The following PCDHAC1 variants were observed in gnomAD, a reference collection of about 807,000 sequenced individuals.
PCDHAC1 encodes protocadherin alpha subfamily C, 1.
PCDHAC1 carries 42 observed loss-of-function variants against 60.0 expected under a neutral mutation model. The ratio of observed to expected loss-of-function variants is 0.70; its 90% CI spans 0.55 to 0.90. PCDHAC1 has a LOEUF of 0.90. Among genes scored for constraint, PCDHAC1 ranks in the 40% least tolerant of loss-of-function variants. PCDHAC1 has a pLI of 0.00. For missense variants in PCDHAC1, 1,160 were observed against 1,222.3 expected (o/e 0.95, Z 0.76); for synonymous variants, 468 against 499.3 (o/e 0.94, Z 0.84).
chr5:140,945,654 AT>A (rs1230046600), intron 1 of PCDHAC1, among the ~76,000 whole-genome samples: 5 of 152,294 alleles, frequency 3.3e-5, no homozygotes, highest in Admixed American at 3.3e-4. Flanking sequence ...ATGGAGCAGA[AT>A]ACAGCTCCCA....
At chr5:140,944,608 G>T (rs2093673405) in intron 1 of PCDHAC1, among the ~76,000 whole-genome samples, 1 of 152,176 alleles carries the variant, frequency 6.6e-6, no homozygotes, top group Non-Finnish European at 1.5e-5. Context: ...AGAGTAGTGT[G>T]CTGTAGAAGT....
At chr5:140,995,235 A>G (rs1313042272) in intron 3 of PCDHAC1, among the ~76,000 whole-genome samples, 1 of 152,188 alleles carries the variant, frequency 6.6e-6, no homozygotes, top group Non-Finnish European at 1.5e-5. Flanking sequence ...TGGGGCCAGT[A>G]TTAAGTAAAA....
intron 1 of PCDHAC1, among the ~76,000 whole-genome samples, chr5:140,950,195 C>T (rs186601471): frequency 6.6e-6 from 1 of 152,028 alleles, no homozygotes; most frequent in South Asian, 2.1e-4. Flanking sequence ...AAAAAATAGT[C>T]ATTTCTGTTT....
At position 141,009,692 on chromosome 5, in the gene PCDHAC1, A is replaced by G. The variant is rs2098413739; in HGVS notation, c.2647A>G (p.Lys883Glu). The G allele has an allele frequency of 6.2e-7, 1 of 1,613,856 alleles. No homozygotes were observed. Among genetic ancestry groups the G allele is most frequent in the African/African-American group, 1.3e-5 (1 of 74,858 alleles). The stretch of plus-strand genomic sequence containing the variant: ...TGTCAACAGCAACAGCTGGACCTTT[A>G]AATACGGACCAGGCAACCCCAAACA... The part of the protein sequence containing the change: ...AGVNSNSWTF[K>E]YGPGNPKQSG... Residue 883 changes from lysine to glutamate, a missense_variant, in exon 4 of 4, where the codon AAA (lysine) becomes GAA (glutamate). Physicochemically the swap from Lys to Glu is moderately conservative, Grantham distance 56. Transcript: ENST00000253807.
intron 1 of PCDHAC1, chr5:140,968,552 C>T (rs370640529): frequency 1.2e-6 from 2 of 1,614,184 alleles, no homozygotes; most frequent in Non-Finnish European, 1.7e-6. Flanking sequence ...GATGGTGCCT[C>T]GAACTGCCCC....
At position 140,928,859 on chromosome 5, in the gene PCDHAC1, T is replaced by G. The variant is rs782758888; in HGVS notation, c.1967T>G (p.Leu656Trp). Reference protein sequence around the residue: ...LSSSVTLGVLLSNSVPQLLPD... With the variant: ...LSSSVTLGVLWSNSVPQLLPD... ...TCCTCTGTCACTCTGGGTGTGCTGT[T>G]GAGCAACTCTGTCCCTCAGTTACTT... Residue 656 changes from leucine to tryptophan, a missense_variant, in exon 1 of 4, where the codon TTG becomes TGG. Around this residue, in one of 3 missense-constraint regions of PCDHAC1, gnomAD observed 1,113 missense variants for 1,163.7 expected, o/e 0.96. Coordinates refer to ENST00000253807, the MANE Select transcript of PCDHAC1 (RefSeq NM_018898.5). 2 of 1,614,176 alleles carry G rather than the reference T, an allele frequency of 1.2e-6. No homozygotes were observed. Among genetic ancestry groups the G allele is most frequent in the Non-Finnish European group, 1.7e-6 (2 of 1,180,038 alleles).
At chr5:140,953,546 T>G (rs2094902084) in intron 1 of PCDHAC1, among the ~76,000 whole-genome samples, 1 of 152,136 alleles carries the variant, frequency 6.6e-6, no homozygotes, top group African/African-American at 2.4e-5. Context: ...ATGCTGATTC[T>G]TTTCTCCAAG....
chr5:140,969,314 G>A (rs200006206), intron 1 of PCDHAC1: 2 of 1,614,032 alleles, frequency 1.2e-6, no homozygotes, highest in Non-Finnish European at 1.7e-6. Context: ...CAAAAATGAG[G>A]CTGTTTCTCA....
chr5:141,000,651 C>G (rs1325110453), intron 3 of PCDHAC1, among the ~76,000 whole-genome samples: 2 of 151,708 alleles, frequency 1.3e-5, no homozygotes, highest in African/African-American at 4.8e-5. Flanking sequence ...TGGTCTCGAA[C>G]TCCTGACCTC....
At chr5:140,952,325 T>G in intron 1 of PCDHAC1, among the ~76,000 whole-genome samples, 1 of 133,382 alleles carries the variant, frequency 7.5e-6, no homozygotes, top group Non-Finnish European at 1.6e-5. Context: ...GCAACAAGAG[T>G]GAAACTCCAT....
In PCDHAC1 at chr5:140,929,225, C is replaced by T. The variant is rs1249117880; in HGVS notation, c.2333C>T (p.Ala778Val). Residue 778 changes from alanine to valine, a missense_variant, in exon 1 of 4, where the codon GCC becomes GTC. Physicochemically the swap from Ala to Val is moderately conservative, Grantham distance 64. This residue lies in a region of PCDHAC1 where 1,113 missense variants were observed against 1,163.7 expected (regional missense o/e 0.96). Transcript: ENST00000253807. ...CTGTTGCGTGGGGAGTACAATGCTGCCGACCTGCGAAATCTTGCCACTGGG... is the reference window on the plus strand; with the variant it reads ...CTGTTGCGTGGGGAGTACAATGCTGTCGACCTGCGAAATCTTGCCACTGGG... ...SLLLRGEYNA[A>V]DLRNLATGVG... 2 of 1,613,724 alleles carry T rather than the reference C, an allele frequency of 1.2e-6. No homozygotes were observed. Among genetic ancestry groups the T allele is most frequent in the Non-Finnish European group, 1.7e-6 (2 of 1,179,844 alleles).
intron 1 of PCDHAC1, among the ~76,000 whole-genome samples, chr5:140,941,602 A>G (rs1364169026): frequency 1.3e-5 from 2 of 151,994 alleles, no homozygotes; most frequent in African/African-American, 4.8e-5. Flanking sequence ...GCCATGAGCC[A>G]TGGTGCCCAG....
Position 140,927,189 on chromosome 5 carries a change from G to T in PCDHAC1, c.297G>T (p.Leu99=). 1 of 1,614,150 alleles carries T rather than the reference G, an allele frequency of 6.2e-7. No homozygotes were observed. ...CTGCCTGCGTCTTGACCTACGACCT[G>T]GTGCTCGAGGACCCGCTGGAGCTGC... ...AKAACVLTYD[L]VLEDPLELHK... Residue 99 remains leucine (L), a synonymous_variant, in exon 1 of 4, where the codon CTG becomes CTT. Coordinates refer to ENST00000253807, the MANE Select transcript of PCDHAC1 (RefSeq NM_018898.5).
chr5:140,937,317 G>C (rs1282380622), intron 1 of PCDHAC1, among the ~76,000 whole-genome samples: 1 of 152,048 alleles, frequency 6.6e-6, no homozygotes, highest in Non-Finnish European at 1.5e-5. Context: ...GATTACAGGC[G>C]TGAGCCACCG....
intron 1 of PCDHAC1, among the ~76,000 whole-genome samples, chr5:140,936,458 G>A (rs963270336): frequency 2.6e-5 from 4 of 152,046 alleles, no homozygotes; most frequent in Non-Finnish European, 4.4e-5. Flanking sequence ...TCTGTTTAGT[G>A]GTTGCTGTAG....
intron 1 of PCDHAC1, among the ~76,000 whole-genome samples, chr5:140,960,355 A>G (rs1489344440): frequency 6.6e-6 from 1 of 152,222 alleles, no homozygotes; most frequent in Admixed American, 6.5e-5. Flanking sequence ...ATGTACTGAA[A>G]TAATATGCCA....
At chr5:140,967,697 G>A (rs1554229803) in intron 1 of PCDHAC1, 1 of 1,614,196 alleles carries the variant, frequency 6.2e-7, no homozygotes, top group Admixed American at 1.7e-5. Flanking sequence ...CTTCAGCATA[G>A]ATGCCAGTAC....
intron 3 of PCDHAC1, among the ~76,000 whole-genome samples, chr5:140,996,976 G>A (rs573896136): frequency 2.6e-5 from 4 of 152,078 alleles, no homozygotes; most frequent in East Asian, 3.9e-4. Flanking sequence ...CTCCCCTTTG[G>A]TGAAGCAACC....
Position 140,928,084 on chromosome 5 carries a change from C to T in PCDHAC1, c.1192C>T (p.Leu398=), listed in dbSNP as rs782346696. Residue 398 remains leucine (L), a synonymous_variant, in exon 1 of 4, where the codon CTG becomes TTG. Coordinates refer to ENST00000253807, the MANE Select transcript of PCDHAC1 (RefSeq NM_018898.5). ...TASFDNYYSL[L]IDGPLDREQI... Reference sequence around the variant, plus strand: ...TTCCTTTGACAACTACTACAGCCTGCTGATTGATGGGCCCCTGGACCGGGA... The same window carrying T: ...TTCCTTTGACAACTACTACAGCCTGTTGATTGATGGGCCCCTGGACCGGGA... The T allele has an allele frequency of 1.2e-6, 2 of 1,614,232 alleles. No individual in the cohort carries two copies. The highest frequency in any genetic ancestry group is 1.7e-6 in the Non-Finnish European group (2 of 1,180,050).
Sources: gnomAD v4.1 joint callset for allele counts (sites outside exome capture counted in the v4.1 genomes callset) on GRCh38, gnomAD v4.1.1 for gene constraint, gnomAD v4.1.1 regional missense constraint, MANE v1.5 for transcripts, NCBI Gene and HGNC (gene_info 2026-07-23, HGNC 2026-07-21) for gene names.